ECE2: variants seen among roughly 807,000 people sequenced by gnomAD.
ECE2 encodes endothelin converting enzyme 2, also known as endothelin-converting enzyme 2.
Under a neutral mutation model 100.6 loss-of-function variants are expected in ECE2, and 81 were observed. The observed-to-expected ratio is 0.81, with a 90% CI of 0.67 to 0.97. The LOEUF (loss-of-function observed/expected upper bound fraction) is 0.97, where lower values mean the gene tolerates loss of function less well. Among genes scored for constraint, ECE2 ranks in the 50% least tolerant of loss-of-function variants. The pLI, the probability that ECE2 is intolerant of heterozygous loss-of-function variation, is 0.00. For synonymous variants in ECE2, 391 were observed against 391.5 expected, an observed-to-expected ratio of 1.00 and a Z score of 0.02; for missense variants, 911 against 988.1, an observed-to-expected ratio of 0.92 and a Z score of 1.05.
At chr3:184,279,407 G>A (rs918511725) in intron 7 of ECE2, among the ~76,000 whole-genome samples, 1 of 151,344 alleles carries the variant, frequency 6.6e-6, no homozygotes, top group Non-Finnish European at 1.5e-5. Flanking sequence ...TGTAATCCCC[G>A]CACTTTGGGA....
In ECE2 at chr3:184,289,448, G is replaced by GATC. The variant is rs1721208002; in HGVS notation, c.1388_1390dup (p.Ile463dup). 1 of 1,607,268 alleles carries GATC rather than the reference G, an allele frequency of 6.2e-7. No homozygotes were observed. The highest frequency in any genetic ancestry group is 1.3e-5 in the African/African-American group (1 of 74,784). ...CTCCTCCCTCCCAGGCAGAGGGGAT[G>GATC]ATCAGCGAAATCCGGACCGCATTTG... On this transcript the variant is annotated inframe_insertion, in exon 12 of 19. Transcript: ENST00000404464. The surrounding 1 kb of genome is among the most constrained non-coding windows in gnomAD (Gnocchi z 4.1).
chr3:184,289,491 CTGGTTTGGA>C lies in ECE2; in HGVS notation c.1433_1441del (p.Val478_Met480del), dbSNP rs1469531158. On this transcript the variant is annotated inframe_deletion, in exon 12 of 19. Transcript: ENST00000404464. This position sits in a 1 kb window ranked among gnomAD's most constrained non-coding sequence, Gnocchi z 4.1. The stretch of plus-strand genomic sequence containing the variant: ...CGCATTTGAGGAGGCCCTGGGACAG[CTGGTTTGGA>C]TGGATGAGAAGACCCGCCAGGCAGC... 1.4e-5 allele frequency: 22 copies of C among 1,612,378 alleles called. No individual in the cohort carries two copies. Among genetic ancestry groups the C allele is most frequent in the Non-Finnish European group, 1.9e-5 (22 of 1,179,428 alleles).
rs1310050275 is a variant in ECE2, at chr3:184,278,482, G to A, written c.751-10G>A. 1 of 1,613,364 alleles carries A rather than the reference G, an allele frequency of 6.2e-7. No individual in the cohort carries two copies. The highest frequency in any genetic ancestry group is 1.3e-5 in the African/African-American group (1 of 74,868). On this transcript the variant is annotated splice_polypyrimidine_tract_variant and intron_variant, in intron 6 of 18. Coordinates refer to ENST00000404464, the MANE Select transcript of ECE2 (RefSeq NM_001100121.2). ...AGCGAGGGGCTCACCTCCTTTCCTT[G>A]ACATTGCAGGTGGACCAGTCTGGGC... is the stretch of plus-strand genomic sequence containing the variant.
At position 184,291,984 on chromosome 3, in the gene ECE2, C is replaced by T. The variant is rs924765747; in HGVS notation, c.2122-78C>T. On this transcript the variant is annotated intron_variant, in intron 18 of 18. Transcript: ENST00000404464. This position sits in a 1 kb window ranked among gnomAD's most constrained non-coding sequence, Gnocchi z 4.1. ...GCTGCAGCGGTGGTGGTTTGTGCCC[C>T]TGGGATGGCTGTAGCTGACTCTAAG... 1 of 1,510,622 alleles carries T rather than the reference C, an allele frequency of 6.6e-7. No individual in the cohort carries two copies. Among genetic ancestry groups the T allele is most frequent in the African/African-American group, 1.4e-5 (1 of 72,472 alleles). 93.6% of individuals were successfully genotyped at this position (1,510,622 alleles called of 1,614,324 possible).
chr3:184,276,281 G>C, intron 1 of ECE2, 89 bp downstream of exon 1: 2 of 1,414,494 alleles, frequency 1.4e-6, no homozygotes, highest in Non-Finnish European at 1.9e-6. Context: ...GGCGGTGCCC[G>C]GCTCGCGGAG....
chr3:184,279,309 CAAAAAA>C (rs60647349), intron 7 of ECE2, among the ~76,000 whole-genome samples: 2 of 79,156 alleles, frequency 2.5e-5, no homozygotes, highest in Non-Finnish European at 4.8e-5. Context: ...GACTCCGACT[CAAAAAA>C]AAAAAAAAAA....
chr3:184,276,393 G>A, intron 1 of ECE2, 88 bp from the exon 2 acceptor site: 1 of 1,510,366 alleles, frequency 6.6e-7, no homozygotes. Context: ...GGGCGGAGGG[G>A]TCCGCGAGGC....
chr3:184,291,340 C>G lies in ECE2; in HGVS notation c.2026-4C>G. 1 of 1,604,366 alleles carries G rather than the reference C, an allele frequency of 6.2e-7. No homozygotes were observed. The highest frequency in any genetic ancestry group is 8.5e-7 in the Non-Finnish European group (1 of 1,174,606). On this transcript the variant is annotated splice_region_variant and splice_polypyrimidine_tract_variant and intron_variant, in intron 17 of 18. Transcript: ENST00000404464. The surrounding 1 kb of genome is among the most constrained non-coding windows in gnomAD (Gnocchi z 4.1). ...GGGCTTGTTGCCCACTGTTCTGTCC[C>G]CAGGCTTACAAAGCATGGCTGAGAA... is the stretch of plus-strand genomic sequence containing the variant.
At chr3:184,285,213 C>G (rs1560185238) in intron 9 of ECE2, 108 bp downstream of exon 9, 2 of 1,420,686 alleles carry the variant, frequency 1.4e-6, no homozygotes, top group East Asian at 2.3e-5. Context: ...ATGCTATGGG[C>G]CTTCCAAACA....
chr3:184,290,196 G>T, intron 13 of ECE2, 59 bp from the exon 14 acceptor site: 4 of 1,392,002 alleles, frequency 2.9e-6, no homozygotes, highest in Non-Finnish European at 4.0e-6. Context: ...CCAAACTGGC[G>T]CTATTATCTT....
intron 7 of ECE2, 105 bp from the exon 8 acceptor site, chr3:184,283,680 A>G: frequency 8.2e-7 from 1 of 1,213,148 alleles, no homozygotes; most frequent in South Asian, 1.6e-5. Flanking sequence ...AGGCTTCCAG[A>G]AGGATCAAGC....
Position 184,291,639 on chromosome 3 carries a change from G to A in ECE2, c.2121+200G>A, listed in dbSNP as rs568772639. On this transcript the variant is annotated intron_variant, in intron 18 of 18. Transcript: ENST00000404464. This position sits in a 1 kb window ranked among gnomAD's most constrained non-coding sequence, Gnocchi z 4.1. ...ACAAAGGCAGCCTGAAGAGGCCTGA[G>A]CGGGAGAATGCCTTGGTAGGATTTC... The A allele has an allele frequency of 1.7e-5, 9 of 542,844 alleles. No individual in the cohort carries two copies. Among genetic ancestry groups the A allele is most frequent in the African/African-American group, 1.5e-4 (8 of 52,338 alleles). The allele number at this position is 542,844 out of a possible 1,614,324, so 33.6% of individuals were successfully genotyped here. A position where few individuals can be genotyped will look rare whatever the true frequency, so the allele number is the denominator to read the frequency against.
At chr3:184,276,657 C>T (rs1270806252) in intron 2 of ECE2, 90 bp downstream of exon 2, 1 of 1,567,388 alleles carries the variant, frequency 6.4e-7, no homozygotes, top group South Asian at 1.2e-5. Context: ...TCTGGAGGGT[C>T]ACCTGCCCCC....
rs1246132620 is a variant in ECE2, at chr3:184,276,991, G to C, written c.226G>C (p.Gly76Arg). The C allele has an allele frequency of 6.2e-7, 1 of 1,614,000 alleles. No individual in the cohort carries two copies. The highest frequency in any genetic ancestry group is 8.5e-7 in the Non-Finnish European group (1 of 1,180,010). The change falls in exon 3 of 19, where the codon GGC becomes CGC. Residue 76 changes from glycine to arginine, a missense_variant. Gly to Arg is a moderately radical substitution (Grantham distance 125, BLOSUM62 -2). Transcript: ENST00000404464. ...TCTACTGCTGGCTGCACTGCTTCTG[G>C]GCTGCCTTGTGGCCCTAGGGGTCCA... ...ASLLLAALLL[G>R]CLVALGVQYH...
rs144884734 is a variant in ECE2 at position 184,292,360 on chromosome 3, C to A, written c.*122C>A. 30 of 1,163,282 alleles carry A rather than the reference C, an allele frequency of 2.6e-5. No homozygotes were observed. In the Middle Eastern group the frequency reaches 1.1e-3, roughly 43 times the overall value. The allele number at this position is 1,163,282 out of a possible 1,614,324, so 72.1% of individuals were successfully genotyped here. The stretch of plus-strand genomic sequence containing the variant: ...GCTGGGCTGGGTCTAGTCCCTCCCC[C>A]CCACAGGTGACATGAGTACAGACCC... On this transcript the variant is annotated 3_prime_UTR_variant, in exon 19 of 19. Transcript: ENST00000404464.
chr3:184,277,216 A>C (rs1027034019), intron 3 of ECE2, 35 bp from the exon 4 acceptor site: 1 of 1,612,462 alleles, frequency 6.2e-7, no homozygotes, highest in Non-Finnish European at 8.5e-7. Context: ...ACAGACTGAC[A>C]GTCTCCTACC....
chr3:184,278,250 C>A lies in ECE2; in HGVS notation c.687C>A (p.Ala229=). The A allele has an allele frequency of 6.2e-7, 1 of 1,614,182 alleles. No individual in the cohort carries two copies. Residue 229 remains alanine, a synonymous_variant, in exon 6 of 19, where the codon GCC becomes GCA. Coordinates refer to ENST00000404464, the MANE Select transcript of ECE2 (RefSeq NM_001100121.2). ...VLKAVAGTYR[A]TPFFTVYISA... ...AGGCAGTAGCAGGGACCTACAGGGC[C>A]ACCCCATTCTTCACCGTCTACATCA...
chr3:184,276,690 C>G, intron 2 of ECE2, 123 bp downstream of exon 2: 1 of 1,550,790 alleles, frequency 6.4e-7, no homozygotes, highest in South Asian at 1.2e-5. Flanking sequence ...TCTCTGGCCT[C>G]TGCTCTAGGA....
At chr3:184,279,335 A>AAAAG (rs1353601938) in intron 7 of ECE2, among the ~76,000 whole-genome samples, 2 of 150,324 alleles carry the variant, frequency 1.3e-5, no homozygotes, top group Non-Finnish European at 3.0e-5. Flanking sequence ...AAAAGAAAGA[A>AAAAG]AAAGAAAGAA....
Sources: gnomAD v4.1 joint callset for allele counts (sites outside exome capture counted in the v4.1 genomes callset) on GRCh38, gnomAD v4.1.1 for gene constraint, Gnocchi (gnomAD v3.1) non-coding constraint, MANE v1.5 for transcripts, NCBI Gene and HGNC (gene_info 2026-07-23, HGNC 2026-07-21) for gene names.